Variants in AGBL4 observed in about 807,000 individuals in gnomAD.
AGBL4 encodes AGBL carboxypeptidase 4, also known as cytosolic carboxypeptidase 6.
A neutral mutation model predicts 66.4 loss-of-function variants in AGBL4; 58 were observed. The ratio of observed to expected loss-of-function variants is 0.87; its 90% CI spans 0.71 to 1.09. The LOEUF is 1.09. Among genes scored for constraint, AGBL4 ranks in the 50% least tolerant of loss-of-function variants. AGBL4 has a pLI of 0.00. For synonymous variants in AGBL4, 234 were observed against 222.9 expected, an observed-to-expected ratio of 1.05 and a Z score of -0.44; for missense variants, 579 against 631.0, an observed-to-expected ratio of 0.92 and a Z score of 0.88.
Position 48,714,509 on chromosome 1 carries a change from C to T in AGBL4, c.635-51268G>A, listed in dbSNP as rs370902796. On this transcript the variant is annotated intron_variant, in intron 6 of 13. Coordinates refer to ENST00000371839, the MANE Select transcript of AGBL4 (RefSeq NM_032785.4). Reference sequence around the variant, plus strand: ...TGTCCCATCCACCCCTTCAATCTCTCGGCCCCTGCCTTTGCTCCAGCCTTC... The same window carrying T: ...TGTCCCATCCACCCCTTCAATCTCTTGGCCCCTGCCTTTGCTCCAGCCTTC... 1.1e-4 allele frequency among the ~76,000 whole-genome samples: 16 copies of T among 152,310 alleles called. No homozygotes were observed. In the East Asian group the frequency reaches 2.9e-3, roughly 28 times the overall value.
chr1:49,635,329 G>A (rs1645650953), intron 3 of AGBL4, among the ~76,000 whole-genome samples: 1 of 152,118 alleles, frequency 6.6e-6, no homozygotes, highest in Admixed American at 6.6e-5. Context: ...CATGAGCTTA[G>A]AGTAAACATA....
At chr1:49,784,926 T>C (rs1480383323) in intron 2 of AGBL4, among the ~76,000 whole-genome samples, 1 of 151,996 alleles carries the variant, frequency 6.6e-6, no homozygotes, top group Non-Finnish European at 1.5e-5. Context: ...TAACCACAAA[T>C]CCTTGCTCTG....
intron 2 of AGBL4, chr1:49,844,735 C>T (rs373269804): frequency 1.5e-5 from 24 of 1,602,308 alleles, no homozygotes; most frequent in East Asian, 2.2e-5. Context: ...TCTAAAGCAA[C>T]GTATCTCTGA....
intron 6 of AGBL4, among the ~76,000 whole-genome samples, chr1:48,826,806 G>C (rs1210416792): frequency 6.6e-6 from 1 of 152,098 alleles, no homozygotes; most frequent in Non-Finnish European, 1.5e-5. Flanking sequence ...GAGTCTTTCT[G>C]GTTAACAGGA....
intron 4 of AGBL4, among the ~76,000 whole-genome samples, chr1:49,182,902 A>T (rs923258969): frequency 1.3e-5 from 2 of 152,196 alleles, no homozygotes; most frequent in African/African-American, 4.8e-5. Context: ...TTGAAATACC[A>T]TAGTTCCATT....
At chr1:48,723,784 T>C (rs1418887467) in intron 6 of AGBL4, among the ~76,000 whole-genome samples, 2 of 151,850 alleles carry the variant, frequency 1.3e-5, no homozygotes, top group African/African-American at 2.4e-5. Context: ...ATATCAAGAG[T>C]GATAAAATGT....
chr1:49,487,331 G>A (rs796249473), intron 3 of AGBL4, among the ~76,000 whole-genome samples: 1 of 151,884 alleles, frequency 6.6e-6, no homozygotes, highest in South Asian at 2.1e-4. Flanking sequence ...ACAACTATAT[G>A]AGGTAGGTGT....
chr1:49,253,903 T>C (rs1200214230), intron 3 of AGBL4, among the ~76,000 whole-genome samples: 1 of 152,014 alleles, frequency 6.6e-6, no homozygotes, highest in Non-Finnish European at 1.5e-5. Flanking sequence ...TAAACTGAAT[T>C]AATATAAAAA....
At chr1:48,661,600 CAA>C (rs1375559748) in intron 7 of AGBL4, among the ~76,000 whole-genome samples, 4 of 152,176 alleles carry the variant, frequency 2.6e-5, no homozygotes, top group Admixed American at 6.5e-5. Context: ...CAGCACCATC[CAA>C]AGATTCCCTT....
intron 6 of AGBL4, among the ~76,000 whole-genome samples, chr1:48,846,438 G>T: frequency 6.7e-6 from 1 of 150,312 alleles, no homozygotes; most frequent in Non-Finnish European, 1.5e-5. Context: ...ATTTATAGTA[G>T]GCAAAATAAA....
intron 3 of AGBL4, among the ~76,000 whole-genome samples, chr1:49,515,109 A>C (rs989088647): frequency 1.4e-4 from 21 of 152,132 alleles, no homozygotes; most frequent in African/African-American, 4.8e-4. Flanking sequence ...CAACCTACAG[A>C]ATGGGAGAAG....
At chr1:48,929,419 C>T (rs1009712794) in intron 5 of AGBL4, among the ~76,000 whole-genome samples, 8 of 152,170 alleles carry the variant, frequency 5.3e-5, no homozygotes, top group Non-Finnish European at 1.5e-5. Flanking sequence ...TCTCTACCAA[C>T]TTCCTTCCTG....
rs565449543 is a variant in AGBL4 at position 49,594,766 on chromosome 1, T to C, written c.282+102547A>G. Among the ~76,000 whole-genome samples the C allele has an allele frequency of 2.2e-4, 33 of 152,342 alleles. 1 individual carries two copies. Among genetic ancestry groups the C allele is most frequent in the South Asian group, 2.1e-3 (10 of 4,830 alleles). ...CACATTTTCTTTATCTAGTCTATCA[T>C]TGATGGGCATTTGGGTTGGTTCCAA... On this transcript the variant is annotated intron_variant, in intron 3 of 13. Transcript: ENST00000371839.
In AGBL4 at chr1:48,634,608, G is replaced by A. The variant is rs1415994741; in HGVS notation, c.840-4C>T. ...ATCAAATCCCATCAGAGAACACCTA[G>A]GCAGTACCCAAAGTAAGAGTCAATA... On this transcript the variant is annotated splice_region_variant and splice_polypyrimidine_tract_variant and intron_variant, in intron 8 of 13. Coordinates refer to ENST00000371839, the MANE Select transcript of AGBL4 (RefSeq NM_032785.4). The A allele has an allele frequency of 6.3e-7, 1 of 1,585,766 alleles. No individual in the cohort carries two copies. Among genetic ancestry groups the A allele is most frequent in the South Asian group, 1.2e-5 (1 of 86,206 alleles).
At chr1:49,046,318 A>G (rs1644079532) in intron 4 of AGBL4, among the ~76,000 whole-genome samples, 1 of 152,222 alleles carries the variant, frequency 6.6e-6, no homozygotes, top group South Asian at 2.1e-4. Flanking sequence ...TTTAAATTAT[A>G]AGACTAATTA....
At chr1:49,714,593 T>TATATATATATATATAC (rs1491300456) in intron 2 of AGBL4, among the ~76,000 whole-genome samples, 47 of 113,990 alleles carry the variant, frequency 4.1e-4, no homozygotes, top group African/African-American at 1.5e-3. Flanking sequence ...TATATATATA[T>TATATATATATATATAC]ACACACACAC....
intron 9 of AGBL4, among the ~76,000 whole-genome samples, chr1:48,599,364 A>C (rs1645042825): frequency 6.6e-6 from 1 of 152,252 alleles, no homozygotes; most frequent in South Asian, 2.1e-4. Context: ...TATGACTGGC[A>C]GCACAGCAGG....
At chr1:49,232,774 C>A (rs1233199240) in intron 4 of AGBL4, among the ~76,000 whole-genome samples, 1 of 149,054 alleles carries the variant, frequency 6.7e-6, no homozygotes, top group Non-Finnish European at 1.5e-5. Context: ...TTTTGTTAAT[C>A]ATAAATAAAT....
At chr1:49,478,825 A>G (rs1210535590) in intron 3 of AGBL4, among the ~76,000 whole-genome samples, 2 of 152,038 alleles carry the variant, frequency 1.3e-5, no homozygotes, top group African/African-American at 4.8e-5. Context: ...AGAAATAACA[A>G]AAAGTTAAAA....
Sources: gnomAD v4.1 joint callset for allele counts (sites outside exome capture counted in the v4.1 genomes callset) on GRCh38, gnomAD v4.1.1 for gene constraint, MANE v1.5 for transcripts, NCBI Gene and HGNC (gene_info 2026-07-23, HGNC 2026-07-21) for gene names.